Variants in EPN1 observed in about 807,000 individuals in gnomAD.
EPN1 encodes the protein epsin 1, also known as epsin-1.
A neutral mutation model predicts 56.9 loss-of-function variants in EPN1; 25 were observed. The observed-to-expected ratio is 0.44, with a 90% CI of 0.32 to 0.61. EPN1 has a LOEUF of 0.61. EPN1 is among the 20% of genes least tolerant of loss of function. The pLI, the probability that EPN1 is intolerant of heterozygous loss-of-function variation, is 0.05. For missense variants in EPN1, 785 were observed against 823.7 expected, an observed-to-expected ratio of 0.95 and a Z score of 0.58; for synonymous variants, 411 against 361.8, an observed-to-expected ratio of 1.14 and a Z score of -1.54.
intron 7 of EPN1, 72 bp downstream of exon 7, chr19:55,692,129 G>C (rs1986598735): frequency 7.4e-7 from 1 of 1,350,066 alleles, no homozygotes; most frequent in South Asian, 1.7e-5. Flanking sequence ...TGTGCCCTTG[G>C]ACAGGGACAG....
intron 2 of EPN1, among the ~76,000 whole-genome samples, chr19:55,683,859 C>T (rs1039143006): frequency 1.1e-4 from 17 of 152,224 alleles, no homozygotes; most frequent in Non-Finnish European, 2.4e-4. Flanking sequence ...GAAGTGAGGT[C>T]GTTCACATGG....
In EPN1 at chr19:55,685,576, G is replaced by A; in HGVS notation, c.409G>A (p.Glu137Lys). Residue 137 changes from glutamate to lysine, a missense_variant, in exon 3 of 11, where the codon GAG becomes AAG. Glu to Lys is a moderately conservative substitution (Grantham distance 56). Around this residue, in one of 2 missense-constraint regions of EPN1, gnomAD observed 135 missense variants for 218.7 expected, o/e 0.62. Transcript: ENST00000270460. Reference protein sequence around the residue: ...AKQLVALLRDEDRLREERAHA... With the variant: ...AKQLVALLRDKDRLREERAHA... ...GCAGCTGGTGGCCCTGCTGCGCGAC[G>A]AGGACCGGCTGCGGGAAGAGCGGGC... 6.2e-7 allele frequency: 1 copy of A among 1,609,774 alleles called. No individual in the cohort carries two copies. The highest frequency in any genetic ancestry group is 8.5e-7 in the Non-Finnish European group (1 of 1,178,242).
Position 55,690,190 on chromosome 19 carries a change from G to A in EPN1, c.762+240G>A, listed in dbSNP as rs534379415. On this transcript the variant is annotated intron_variant, in intron 6 of 10. Transcript: ENST00000270460. The stretch of plus-strand genomic sequence containing the variant: ...TGGTCAGCGCTGGCCATCCCCCTTC[G>A]GGCTGAGCACCGTGAGGGCCACCAC... 4.6e-5 allele frequency among the ~76,000 whole-genome samples: 7 copies of A among 152,344 alleles called. No homozygotes were observed. The South Asian group carries it at 6.2e-4, about 14-fold the overall frequency.
rs776846483 is a variant in EPN1, at chr19:55,709,076, GTT to G, written c.*13724_*13725del. ...AAATAGAAATAAAGTTTTTTTTTTT[GTT>G]TTTCATTTTTACACAGTATTGCCTC... On this transcript the variant is annotated 3_prime_UTR_variant, in exon 11 of 11. Transcript: ENST00000270460. 4.8e-6 allele frequency: 7 copies of G among 1,465,492 alleles called. No individual in the cohort carries two copies. In the South Asian group the frequency reaches 9.3e-5, roughly 20 times the overall value. The allele number at this position is 1,465,492 out of a possible 1,614,324, so 90.8% of individuals were successfully genotyped here.
At position 55,694,759 on chromosome 19, in the gene EPN1, C is replaced by A. The variant is rs1239731672; in HGVS notation, c.1298C>A (p.Ala433Asp). ...ELELLAGEVPARSPGAFDMSG... is the reference protein window; with the variant it reads ...ELELLAGEVPDRSPGAFDMSG... Reference sequence around the variant, plus strand: ...GAGCTGCTGGCAGGAGAGGTGCCGGCCCGAAGCCCTGGGGCGTTTGACATG... The same window carrying A: ...GAGCTGCTGGCAGGAGAGGTGCCGGACCGAAGCCCTGGGGCGTTTGACATG... Residue 433 changes from alanine (A) to aspartate (D), a missense_variant, in exon 10 of 11, where the codon GCC becomes GAC. By Grantham distance (126) the Ala-to-Asp change is moderately radical. Coordinates refer to ENST00000270460, the MANE Select transcript of EPN1 (RefSeq NM_001130072.2). The surrounding 1 kb of genome is among the most constrained non-coding windows in gnomAD (Gnocchi z 4.2). 3 of 1,591,172 alleles carry A rather than the reference C, an allele frequency of 1.9e-6. No individual in the cohort carries two copies. The highest frequency in any genetic ancestry group is 1.7e-6 in the Non-Finnish European group (2 of 1,166,300).
chr19:55,705,799 T>C lies in EPN1; in HGVS notation c.*10443T>C, dbSNP rs888942055. Reference sequence around the variant, plus strand: ...ACTGACATTGTGGCTGGAATATTTGTTGTTGTGGGATATATATATATATAT... The same window carrying C: ...ACTGACATTGTGGCTGGAATATTTGCTGTTGTGGGATATATATATATATAT... On this transcript the variant is annotated 3_prime_UTR_variant, in exon 11 of 11. Coordinates refer to ENST00000270460, the MANE Select transcript of EPN1 (RefSeq NM_001130072.2). 9 of 83,688 alleles carry C rather than the reference T, an allele frequency of 1.1e-4. No homozygotes were observed. Among genetic ancestry groups the C allele is most frequent in the African/African-American group, 5.9e-4 (9 of 15,330 alleles). 5.2% of individuals were successfully genotyped at this position (83,688 alleles called of 1,614,324 possible).
chr19:55,678,901 G>A (rs778725120), intron 2 of EPN1, 46 bp downstream of exon 2: 12 of 1,398,334 alleles, frequency 8.6e-6, no homozygotes, highest in Non-Finnish European at 1.1e-5. Flanking sequence ...GGGCTCAGGT[G>A]GGAGGACAGG....
At chr19:55,686,670 C>G (rs1479524343) in intron 3 of EPN1, among the ~76,000 whole-genome samples, 2 of 152,060 alleles carry the variant, frequency 1.3e-5, no homozygotes, top group East Asian at 1.9e-4. Context: ...TAGGGACCCA[C>G]GAGCCAGTAG....
intron 3 of EPN1, among the ~76,000 whole-genome samples, chr19:55,686,303 G>T (rs1468897183): frequency 6.6e-6 from 1 of 152,222 alleles, no homozygotes; most frequent in Non-Finnish European, 1.5e-5. Flanking sequence ...GTGTTGGTCG[G>T]GGGCTCACAG....
rs1986960067 is a variant in EPN1 at position 55,697,592 on chromosome 19, C to G, written c.*2236C>G. On this transcript the variant is annotated 3_prime_UTR_variant, in exon 11 of 11. Coordinates refer to ENST00000270460, the MANE Select transcript of EPN1 (RefSeq NM_001130072.2). ...GAAAAACAAGACAAAAACCCAGAGGCTTGCACATAAATTTGGGGCTTAACT... is the reference window on the plus strand; with the variant it reads ...GAAAAACAAGACAAAAACCCAGAGGGTTGCACATAAATTTGGGGCTTAACT... The G allele has an allele frequency of 6.6e-6, 1 of 152,190 alleles. No homozygotes were observed. The highest frequency in any genetic ancestry group is 1.5e-5 in the Non-Finnish European group (1 of 68,046). 9.4% of individuals were successfully genotyped at this position (152,190 alleles called of 1,614,324 possible).
At chr19:55,690,002 C>G (rs1238445411) in intron 6 of EPN1, 52 bp downstream of exon 6, 14 of 1,496,812 alleles carry the variant, frequency 9.4e-6, no homozygotes, top group Non-Finnish European at 1.0e-5. Context: ...TCCGTCCGTC[C>G]CATCGCTCAT....
intron 3 of EPN1, among the ~76,000 whole-genome samples, chr19:55,686,101 T>C (rs1371434106): frequency 6.6e-6 from 1 of 152,190 alleles, no homozygotes; most frequent in Non-Finnish European, 1.5e-5. Flanking sequence ...GCACCAGGCA[T>C]CTGGGCCTGT....
intron 2 of EPN1, among the ~76,000 whole-genome samples, chr19:55,684,955 C>T (rs999139384): frequency 1.3e-5 from 2 of 152,214 alleles, no homozygotes; most frequent in Admixed American, 6.5e-5. Context: ...TGGCCTTCGG[C>T]CCATTCACAG....
Position 55,699,579 on chromosome 19 carries a change from G to GC in EPN1, c.*4225dup, listed in dbSNP as rs1387160706. 6.6e-6 allele frequency: 1 copy of GC among 152,196 alleles called. No homozygotes were observed. The highest frequency in any genetic ancestry group is 1.9e-4 in the East Asian group (1 of 5,192). The allele number at this position is 152,196 out of a possible 1,614,324, so 9.4% of individuals were successfully genotyped here. A position where few individuals can be genotyped will look rare whatever the true frequency, so the allele number is the denominator to read the frequency against. On this transcript the variant is annotated 3_prime_UTR_variant, in exon 11 of 11. Coordinates refer to ENST00000270460, the MANE Select transcript of EPN1 (RefSeq NM_001130072.2). Reference sequence around the variant, plus strand: ...AAAAAAAATGTTTTATTAGAGTGCAGCCACGGCTGCTTCTGCACTACAGTG... The same window carrying GC: ...AAAAAAAATGTTTTATTAGAGTGCAGCCCACGGCTGCTTCTGCACTACAGTG...
chr19:55,698,052 T>G lies in EPN1; in HGVS notation c.*2696T>G, dbSNP rs558983674. 10 of 144,834 alleles carry G rather than the reference T, an allele frequency of 6.9e-5. No homozygotes were observed. Among genetic ancestry groups the G allele is most frequent in the Non-Finnish European group, 1.5e-4 (10 of 67,038 alleles). The allele number at this position is 144,834 out of a possible 1,614,324, so 9.0% of individuals were successfully genotyped here. A position where few individuals can be genotyped will look rare whatever the true frequency, so the allele number is the denominator to read the frequency against. ...GGCTAAACCCACCTAGCAGGATTCT[T>G]GCTGAAGGCAGGCCAGGGTGATCAG... On this transcript the variant is annotated 3_prime_UTR_variant, in exon 11 of 11. Coordinates refer to ENST00000270460, the MANE Select transcript of EPN1 (RefSeq NM_001130072.2).
rs1000618920 is a variant in EPN1 at position 55,691,195 on chromosome 19, A to T, written c.763-559A>T. On this transcript the variant is annotated intron_variant, in intron 6 of 10. Transcript: ENST00000270460. The surrounding 1 kb of genome is among the most constrained non-coding windows in gnomAD (Gnocchi z 5.6). ...ATGACTGCGGGGTGACAGTGGGGCA[A>T]TGGGCGTGGGAAGGCCTGCAGCGCG... 6.6e-6 allele frequency among the ~76,000 whole-genome samples: 1 copy of T among 151,862 alleles called. No individual in the cohort carries two copies. Among genetic ancestry groups the T allele is most frequent in the African/African-American group, 2.4e-5 (1 of 41,328 alleles).
rs1287741255 is a variant in EPN1, at chr19:55,699,148, G to A, written c.*3792G>A. On this transcript the variant is annotated 3_prime_UTR_variant, in exon 11 of 11. Coordinates refer to ENST00000270460, the MANE Select transcript of EPN1 (RefSeq NM_001130072.2). ...ATATATACATGTGCCATGTTGGTGT[G>A]CTGCACGCATTAACTCGTCATTTAC... 1 of 152,112 alleles carries A rather than the reference G, an allele frequency of 6.6e-6. No individual in the cohort carries two copies. Among genetic ancestry groups the A allele is most frequent in the Non-Finnish European group, 1.5e-5 (1 of 68,052 alleles). The allele number at this position is 152,112 out of a possible 1,614,324, so 9.4% of individuals were successfully genotyped here. A position where few individuals can be genotyped will look rare whatever the true frequency, so the allele number is the denominator to read the frequency against.
chr19:55,682,833 T>C (rs903905174), intron 2 of EPN1, among the ~76,000 whole-genome samples: 7 of 151,108 alleles, frequency 4.6e-5, no homozygotes, highest in South Asian at 4.2e-4. Context: ...CTCGGCTCAC[T>C]GCAACTTCTG....
chr19:55,677,163 G>A, intron 1 of EPN1: 1 of 1,551,550 alleles, frequency 6.4e-7, no homozygotes, highest in South Asian at 1.2e-5. Flanking sequence ...GCTTCTTGGA[G>A]CCGCATAGAT....
Sources: allele counts gnomAD v4.1 joint callset (sites outside exome capture counted in the v4.1 genomes callset), GRCh38; gene constraint gnomAD v4.1.1; regional missense constraint gnomAD v4.1.1; non-coding constraint Gnocchi (gnomAD v3.1); transcripts MANE v1.5; gene names NCBI Gene and HGNC (gene_info 2026-07-23, HGNC 2026-07-21).